OBI1: variants seen among roughly 807,000 people sequenced by gnomAD.
The protein encoded by OBI1 is ring finger protein 219.
Under a neutral mutation model 62.4 loss-of-function variants are expected in OBI1, and 59 were observed. The ratio of observed to expected loss-of-function variants is 0.95; its 90% CI spans 0.77 to 1.17. OBI1 has a LOEUF of 1.17. Ranked by LOEUF, OBI1 falls within the 50% of genes most tolerant of loss-of-function variation. The probability of loss-of-function intolerance (pLI) is 0.00; values close to 1 mark genes in which losing one functional copy is unlikely to be tolerated. For synonymous variants in OBI1, 302 were observed against 292.8 expected (o/e 1.03, Z -0.32); for missense variants, 875 against 830.9 (o/e 1.05, Z -0.65).
chr13:78,621,341 C>T (rs1216467609), intron 5 of OBI1, among the ~76,000 whole-genome samples: 1 of 152,160 alleles, frequency 6.6e-6, no homozygotes, highest in Non-Finnish European at 1.5e-5. Context: ...TCAAAAAACA[C>T]TACATAAATA....
At chr13:78,621,300 G>C (rs1875504920) in intron 5 of OBI1, among the ~76,000 whole-genome samples, 2 of 152,160 alleles carry the variant, frequency 1.3e-5, no homozygotes, top group Non-Finnish European at 2.9e-5. Context: ...GTAACTGCAT[G>C]AAGTAAAACC....
At chr13:78,649,574 T>A (rs1356624609) in intron 1 of OBI1, among the ~76,000 whole-genome samples, 1 of 152,156 alleles carries the variant, frequency 6.6e-6, no homozygotes, top group African/African-American at 2.4e-5. Flanking sequence ...TACAGACAAT[T>A]CTTTCATGTT....
chr13:78,643,601 C>G (rs1196435732), intron 2 of OBI1, among the ~76,000 whole-genome samples: 1 of 152,106 alleles, frequency 6.6e-6, no homozygotes, highest in African/African-American at 2.4e-5. Flanking sequence ...CCAGCCTGAC[C>G]AACATGGAGA....
At chr13:78,656,600 A>G (rs1876708887) in intron 1 of OBI1, among the ~76,000 whole-genome samples, 1 of 151,084 alleles carries the variant, frequency 6.6e-6, no homozygotes, top group South Asian at 2.1e-4. Context: ...AAGAAAAAAA[A>G]AAGAAAAAAA....
intron 4 of OBI1, among the ~76,000 whole-genome samples, chr13:78,635,820 T>C (rs191514954): frequency 3.2e-4 from 49 of 152,262 alleles, no homozygotes; most frequent in Non-Finnish European, 5.4e-4. Context: ...TGGAGTGTAG[T>C]GGTGTGATCT....
chr13:78,644,750 T>G, intron 2 of OBI1, 112 bp downstream of exon 2: 2 of 1,172,052 alleles, frequency 1.7e-6, no homozygotes, highest in Non-Finnish European at 2.5e-6. Flanking sequence ...CTCAGTATTA[T>G]GTTGGCCAAA....
intron 5 of OBI1, among the ~76,000 whole-genome samples, chr13:78,627,827 A>G (rs552317877): frequency 2.0e-5 from 3 of 152,236 alleles, no homozygotes; most frequent in Admixed American, 6.5e-5. Flanking sequence ...GATTTCCTTT[A>G]ATCCTCATAA....
At chr13:78,653,843 T>A (rs1412494141) in intron 1 of OBI1, among the ~76,000 whole-genome samples, 2 of 152,136 alleles carry the variant, frequency 1.3e-5, no homozygotes, top group African/African-American at 4.8e-5. Flanking sequence ...TATCGGTTTC[T>A]CTAGTGAAGA....
At chr13:78,624,274 A>G (rs893013357) in intron 5 of OBI1, among the ~76,000 whole-genome samples, 3 of 152,240 alleles carry the variant, frequency 2.0e-5, no homozygotes, top group Non-Finnish European at 4.4e-5. Context: ...AAAAAATGCC[A>G]GAATTTCACC....
intron 5 of OBI1, among the ~76,000 whole-genome samples, chr13:78,626,881 A>C (rs1291103520): frequency 6.6e-6 from 1 of 152,168 alleles, no homozygotes; most frequent in Non-Finnish European, 1.5e-5. Context: ...CCTGGCTAAC[A>C]CAGTGAAACC....
chr13:78,644,951 A>G lies in OBI1; in HGVS notation c.119T>C (p.Ile40Thr), dbSNP rs745611503. Residue 40 changes from isoleucine to threonine, a missense_variant, in exon 2 of 6, where the codon ATT becomes ACT. Physicochemically the swap from Ile to Thr is moderately conservative, Grantham distance 89. Transcript: ENST00000282003. ...ATTCTTCAACCACAAATCAATACAA[A>G]TCGAACAAAATACATGGTTGTTGAT... ...ICINNHVFCS[I>T]CIDLWLKNNS... is the part of the protein sequence containing the mutation. 9.3e-6 allele frequency: 15 copies of G among 1,613,870 alleles called. No individual in the cohort carries two copies. The highest frequency in any genetic ancestry group is 1.2e-5 in the Non-Finnish European group (14 of 1,179,862).
rs1348880727 is a variant in OBI1, at chr13:78,617,049, TC to T, written c.711del (p.Ala239ProfsTer9). ...EQYERETNRLKKALERSDKYI... is the reference protein window; with the variant it reads ...EQYERETNRLXKALERSDKYI... Reference sequence around the variant, plus strand: ...TACTTATCACTTCGTTCCAGGGCTTTCTTGAGGCGATTGGTTTCACGCTCAT... The same window carrying T: ...TACTTATCACTTCGTTCCAGGGCTTTTTGAGGCGATTGGTTTCACGCTCAT... On this transcript the variant is annotated frameshift_variant, in exon 6 of 6. Transcript: ENST00000282003. LOFTEE classifies it high-confidence loss of function. 1.2e-6 allele frequency: 2 copies of T among 1,612,774 alleles called. No individual in the cohort carries two copies. Among genetic ancestry groups the T allele is most frequent in the Non-Finnish European group, 1.7e-6 (2 of 1,179,540 alleles).
At chr13:78,641,419 A>G (rs1199423628) in intron 3 of OBI1, among the ~76,000 whole-genome samples, 1 of 152,216 alleles carries the variant, frequency 6.6e-6, no homozygotes, top group Non-Finnish European at 1.5e-5. Context: ...CCATGTACAC[A>G]GTTAAACTGA....
intron 4 of OBI1, among the ~76,000 whole-genome samples, chr13:78,638,208 C>T (rs113958361): frequency 8.6e-5 from 13 of 152,010 alleles, no homozygotes; most frequent in African/African-American, 2.4e-4. Flanking sequence ...CTTTCTAGGC[C>T]GAAAAATCCT....
At chr13:78,658,244 C>T (rs896926611) in intron 1 of OBI1, among the ~76,000 whole-genome samples, 1 of 152,148 alleles carries the variant, frequency 6.6e-6, no homozygotes, top group Non-Finnish European at 1.5e-5. Context: ...TATCTTTCCC[C>T]TTCTTTATCT....
At chr13:78,618,482 C>T (rs1263659700) in intron 5 of OBI1, among the ~76,000 whole-genome samples, 1 of 152,090 alleles carries the variant, frequency 6.6e-6, no homozygotes, top group South Asian at 2.1e-4. Flanking sequence ...CACTTAATGC[C>T]CATCACCTCC....
At chr13:78,627,356 T>TATTAC (rs1463907472) in intron 5 of OBI1, among the ~76,000 whole-genome samples, 2 of 151,634 alleles carry the variant, frequency 1.3e-5, no homozygotes, top group Non-Finnish European at 2.9e-5. Context: ...CATTCAGGTT[T>TATTAC]ATTACATAGG....
rs993155770 is a variant in OBI1 at position 78,623,151 on chromosome 13, T to A, written c.639-6029A>T. Among the ~76,000 whole-genome samples, 4 of 152,052 alleles carry A rather than the reference T, an allele frequency of 2.6e-5. No homozygotes were observed. The East Asian group carries it at 7.7e-4, about 29-fold the overall frequency. ...CTCTTTTTAAAATTAAGCTGTCAGTTACAAAATTGCTACATTCCTAGAAAT... is the reference window on the plus strand; with the variant it reads ...CTCTTTTTAAAATTAAGCTGTCAGTAACAAAATTGCTACATTCCTAGAAAT... On this transcript the variant is annotated intron_variant, in intron 5 of 5. Coordinates refer to ENST00000282003, the MANE Select transcript of OBI1 (RefSeq NM_024546.4).
Position 78,644,417 on chromosome 13 carries a change from T to G in OBI1, c.208+445A>C, listed in dbSNP as rs566963167. ...AAAACATGCTCTGGGTTTTCCTGTATCTAAACTTTTTAGTTCATGCTATTC... is the reference window on the plus strand; with the variant it reads ...AAAACATGCTCTGGGTTTTCCTGTAGCTAAACTTTTTAGTTCATGCTATTC... On this transcript the variant is annotated intron_variant, in intron 2 of 5. Coordinates refer to ENST00000282003, the MANE Select transcript of OBI1 (RefSeq NM_024546.4). 2.6e-5 allele frequency among the ~76,000 whole-genome samples: 4 copies of G among 152,330 alleles called. No individual in the cohort carries two copies. The South Asian group carries it at 8.3e-4, about 32-fold the overall frequency.
Sources: allele counts gnomAD v4.1 joint callset (sites outside exome capture counted in the v4.1 genomes callset), GRCh38; gene constraint gnomAD v4.1.1; transcripts MANE v1.5; gene names NCBI Gene and HGNC (gene_info 2026-07-23, HGNC 2026-07-21).